Variants in GPHN observed in about 807,000 individuals in gnomAD.
The protein encoded by GPHN is gephyrin.
GPHN carries 17 observed loss-of-function variants against 95.5 expected under a neutral mutation model. The ratio of observed to expected loss-of-function variants is 0.18; its 90% CI spans 0.12 to 0.27. GPHN has a LOEUF of 0.27. Ranked by LOEUF, GPHN falls within the 10% of genes least tolerant of loss-of-function variation. The pLI is 1.00. For missense variants in GPHN, 660 were observed against 978.1 expected (o/e 0.67, Z 4.34); for synonymous variants, 320 against 322.5 (o/e 0.99, Z 0.08).
chr14:67,726,572 C>T, the GPHN span, among the ~76,000 whole-genome samples: 1 of 152,102 alleles, frequency 6.6e-6, no homozygotes. Context: ...GGGTGGGGTT[C>T]AGCGTTCAAG....
At chr14:67,513,643 C>T in the GPHN span, among the ~76,000 whole-genome samples, 7 of 152,348 alleles carry the variant, frequency 4.6e-5, no homozygotes, top group Admixed American at 4.6e-4. Flanking sequence ...AGTGTCCTGA[C>T]AGGCCCACCC....
the GPHN span, among the ~76,000 whole-genome samples, chr14:67,627,305 A>G: frequency 7.5e-5 from 11 of 146,912 alleles, no homozygotes; most frequent in Non-Finnish European, 1.6e-4. Flanking sequence ...AATTGCTAAT[A>G]TTGATCTGTT....
At chr14:67,192,994 ATC>A in the GPHN span, among the ~76,000 whole-genome samples, 27 of 146,362 alleles carry the variant, frequency 1.8e-4, no homozygotes, top group African/African-American at 5.9e-4. Context: ...CTCTCTATAT[ATC>A]TCTATATATC....
chr14:66,629,081 A>ATATATATATATATAAATATATATT (rs1249886952), intron 1 of GPHN, among the ~76,000 whole-genome samples: 2 of 85,524 alleles, frequency 2.3e-5, no homozygotes, highest in South Asian at 3.0e-4. Context: ...AAAAAAATAC[A>ATATATATATATATAAATATATATT]TATATATATA....
chr14:66,687,851 T>TC, intron 2 of GPHN, among the ~76,000 whole-genome samples: 1 of 152,218 alleles, frequency 6.6e-6, no homozygotes, highest in Non-Finnish European at 1.5e-5. Flanking sequence ...TCCTCTTCAA[T>TC]TTCTTTCATC....
At chr14:66,659,468 T>G (rs1289178282) in intron 1 of GPHN, among the ~76,000 whole-genome samples, 1 of 152,140 alleles carries the variant, frequency 6.6e-6, no homozygotes, top group Non-Finnish European at 1.5e-5. Context: ...GTTGAGTTCT[T>G]CTGTATCTTT....
At chr14:67,271,176 C>G in the GPHN span, 7 of 152,178 alleles carry the variant, frequency 4.6e-5, no homozygotes, top group African/African-American at 1.7e-4. Context: ...GTCAACAAGA[C>G]GGATCCCTGC....
the GPHN span, chr14:67,726,103 A>G: frequency 6.2e-7 from 1 of 1,614,160 alleles, no homozygotes; most frequent in Admixed American, 1.7e-5. Flanking sequence ...TGATGTGTCC[A>G]TATTCCAAGA....
At chr14:67,011,555 T>C (rs1303142872) in intron 9 of GPHN, among the ~76,000 whole-genome samples, 3 of 117,948 alleles carry the variant, frequency 2.5e-5, no homozygotes, top group South Asian at 5.1e-4. Flanking sequence ...GCCTGGACAG[T>C]AGAGTGAGAC....
chr14:67,376,378 T>C, the GPHN span: 1 of 1,467,906 alleles, frequency 6.8e-7, no homozygotes, highest in Non-Finnish European at 9.1e-7. Context: ...TACTAAAATG[T>C]AAAAACATTT....
chr14:67,376,536 A>G, the GPHN span: 22 of 1,614,150 alleles, frequency 1.4e-5, no homozygotes, highest in Non-Finnish European at 1.9e-5. Flanking sequence ...GTCTTTGATG[A>G]CAAGTACAAG....
At position 67,075,156 on chromosome 14, in the gene GPHN, A is replaced by C. The variant is rs541659111; in HGVS notation, c.1145-13827A>C. ...AGGGGCTAAAGTAGCTGGTGACTTT[A>C]AGTTGAAGCCAATACTCATTGGCCA... is the stretch of plus-strand genomic sequence containing the variant. On this transcript the variant is annotated intron_variant, in intron 11 of 22. Coordinates refer to ENST00000478722, the MANE Select transcript of GPHN (RefSeq NM_020806.5). 4.6e-5 allele frequency among the ~76,000 whole-genome samples: 7 copies of C among 152,318 alleles called. No homozygotes were observed. The South Asian group carries it at 1.5e-3, about 32-fold the overall frequency.
intron 1 of GPHN, among the ~76,000 whole-genome samples, chr14:66,545,464 A>G (rs1594899755): frequency 7.9e-6 from 1 of 126,304 alleles, no homozygotes; most frequent in African/African-American, 3.2e-5. Flanking sequence ...GTGGCTGGGC[A>G]GAGGCGCCCC....
At chr14:67,460,413 A>G in the GPHN span, among the ~76,000 whole-genome samples, 3 of 152,268 alleles carry the variant, frequency 2.0e-5, no homozygotes, top group African/African-American at 4.8e-5. Context: ...GGAAATTAAG[A>G]GTCTTTATCT....
the GPHN span, among the ~76,000 whole-genome samples, chr14:67,303,186 G>C: frequency 6.6e-6 from 1 of 152,218 alleles, no homozygotes; most frequent in African/African-American, 2.4e-5. Flanking sequence ...GATAGTGCTA[G>C]TATAATCAGA....
chr14:66,791,840 C>T (rs1250450530), intron 3 of GPHN, among the ~76,000 whole-genome samples: 1 of 152,156 alleles, frequency 6.6e-6, no homozygotes. Context: ...CATTCTCATG[C>T]TCCTAATAAA....
intron 2 of GPHN, among the ~76,000 whole-genome samples, chr14:66,755,873 A>G (rs2058537419): frequency 6.6e-6 from 1 of 152,188 alleles, no homozygotes; most frequent in Admixed American, 6.5e-5. Context: ...ATGGTACCAA[A>G]TAAATATTTG....
the GPHN span, chr14:67,301,319 G>T: frequency 1.3e-6 from 1 of 782,774 alleles, no homozygotes; most frequent in South Asian, 2.5e-5. Context: ...TAAAAAATAT[G>T]ACCCTGCATA....
chr14:67,463,445 C>T, the GPHN span, among the ~76,000 whole-genome samples: 1 of 152,078 alleles, frequency 6.6e-6, no homozygotes, highest in Non-Finnish European at 1.5e-5. Flanking sequence ...CGAGACCATC[C>T]TGACTAACAC....
Sources: allele counts gnomAD v4.1 joint callset (sites outside exome capture counted in the v4.1 genomes callset), GRCh38; gene constraint gnomAD v4.1.1; transcripts MANE v1.5; gene names NCBI Gene and HGNC (gene_info 2026-07-23, HGNC 2026-07-21).